The following MTMR8 variants were observed in gnomAD, a reference collection of about 807,000 sequenced individuals.
The protein encoded by MTMR8 is myotubularin related protein 8, also known as phosphatidylinositol-3,5-bisphosphate 3-phosphatase MTMR8.
Under a neutral mutation model 39.3 loss-of-function variants are expected in MTMR8, and 65 were observed. The ratio of observed to expected loss-of-function variants is 1.65; its 90% CI spans 1.35 to 2.03. The LOEUF (loss-of-function observed/expected upper bound fraction) is 2.03. MTMR8 is among the 30% of genes most tolerant of loss of function. The probability of loss-of-function intolerance (pLI) is 0.00; values close to 1 mark genes in which losing one functional copy is unlikely to be tolerated. For synonymous variants in MTMR8, 245 were observed against 185.2 expected (o/e 1.32, Z -2.62); for missense variants, 777 against 538.9 (o/e 1.44, Z -4.37).
At chrX:64,337,430 C>T (rs754180284) in intron 8 of MTMR8, 37 bp from the exon 9 acceptor site, 7 of 1,191,593 alleles carry the variant, frequency 5.9e-6, no homozygotes, top group Non-Finnish European at 7.9e-6. Context: ...CCACAAGCAA[C>T]CTTTGCACAG....
At position 64,356,223 on chromosome X, in the gene MTMR8, AG is replaced by A. The variant is rs748354367; in HGVS notation, c.262del (p.Val89CysfsTer34). On this transcript the variant is annotated frameshift_variant, in exon 3 of 14. Transcript: ENST00000374852. LOFTEE classifies it high-confidence loss of function. ...TGAAATATAAACCTCATGGCACACA[AG>A]GTCAGAATCTAAAACAAAGTGGGCC... The part of the protein sequence containing the change: ...RVAHFVLDSD[L>X]VCHEVYISLL... 1 of 1,207,040 alleles carries A rather than the reference AG, an allele frequency of 8.3e-7. No individual in the cohort carries two copies. The highest frequency in any genetic ancestry group is 1.8e-5 in the African/African-American group (1 of 57,036).
At chrX:64,385,466 C>T (rs762430889) in intron 1 of MTMR8, among the ~76,000 whole-genome samples, 2 of 111,811 alleles carry the variant, frequency 1.8e-5, no homozygotes, top group South Asian at 7.6e-4. Context: ...TATCAATTTT[C>T]TGTATTAGGC....
At chrX:64,272,609 TA>T (rs769426737) in intron 12 of MTMR8, among the ~76,000 whole-genome samples, 1 of 111,353 alleles carries the variant, frequency 9.0e-6, no homozygotes, top group African/African-American at 3.3e-5. Context: ...AAATCTTATT[TA>T]AAGAAGTAAT....
chrX:64,394,829 C>A (rs965170920), intron 1 of MTMR8, among the ~76,000 whole-genome samples: 1 of 112,274 alleles, frequency 8.9e-6, no homozygotes, highest in African/African-American at 3.2e-5. Flanking sequence ...CCCCCACAAA[C>A]CCTCACAGGC....
At chrX:64,372,432 C>T (rs771518785) in intron 1 of MTMR8, among the ~76,000 whole-genome samples, 17 of 111,249 alleles carry the variant, frequency 1.5e-4, no homozygotes, top group Non-Finnish European at 2.8e-4. Context: ...AATCATGATA[C>T]ATACATACAT....
At chrX:64,379,715 C>CA (rs376306119) in intron 1 of MTMR8, among the ~76,000 whole-genome samples, 4 of 111,348 alleles carry the variant, frequency 3.6e-5, no homozygotes, top group African/African-American at 1.3e-4. Context: ...GTCCCCATCT[C>CA]AAAAAAAGTC....
At chrX:64,347,904 T>C (rs1421548185) in intron 6 of MTMR8, among the ~76,000 whole-genome samples, 1 of 111,975 alleles carries the variant, frequency 8.9e-6, no homozygotes, top group African/African-American at 3.2e-5. Flanking sequence ...GACACTCTGT[T>C]CAGCAATGTT....
At chrX:64,334,506 T>G (rs1011545051) in intron 10 of MTMR8, among the ~76,000 whole-genome samples, 3 of 105,182 alleles carry the variant, frequency 2.9e-5, no homozygotes, top group African/African-American at 1.0e-4. Flanking sequence ...ATCATGTCAC[T>G]GCCTTGTTCA....
At chrX:64,272,040 T>A (rs182793479) in intron 12 of MTMR8, among the ~76,000 whole-genome samples, 2 of 111,388 alleles carry the variant, frequency 1.8e-5, no homozygotes, top group Admixed American at 9.5e-5. Context: ...AAGACAGCAG[T>A]TTAAACTAGG....
At chrX:64,387,118 AG>A (rs202026216) in intron 1 of MTMR8, among the ~76,000 whole-genome samples, 69 of 111,639 alleles carry the variant, frequency 6.2e-4, no homozygotes, top group African/African-American at 2.2e-3. Flanking sequence ...TTAGATTAAA[AG>A]AAAAACATCA....
At chrX:64,388,963 C>A (rs2147249686) in intron 1 of MTMR8, among the ~76,000 whole-genome samples, 1 of 111,984 alleles carries the variant, frequency 8.9e-6, no homozygotes, top group East Asian at 2.8e-4. Context: ...ATCCACTCAG[C>A]TCATTTTATT....
chrX:64,284,964 A>T (rs940308186), intron 12 of MTMR8, among the ~76,000 whole-genome samples: 11 of 112,129 alleles, frequency 9.8e-5, no homozygotes, highest in African/African-American at 3.6e-4. Context: ...GATCAAATTC[A>T]CACATAGCAA....
intron 12 of MTMR8, among the ~76,000 whole-genome samples, chrX:64,304,894 A>ATT (rs1922036808): frequency 1.2e-5 from 1 of 80,455 alleles, no homozygotes; most frequent in Non-Finnish European, 2.4e-5. Context: ...ATATATATAT[A>ATT]TATATATATA....
chrX:64,379,866 T>A (rs1244191648), intron 1 of MTMR8, among the ~76,000 whole-genome samples: 3 of 111,434 alleles, frequency 2.7e-5, no homozygotes, highest in Non-Finnish European at 5.6e-5. Flanking sequence ...GTATGTAATG[T>A]TGGTTCATCA....
chrX:64,335,347 G>T (rs895930812), intron 10 of MTMR8, among the ~76,000 whole-genome samples: 1 of 111,430 alleles, frequency 9.0e-6, no homozygotes, highest in Admixed American at 9.5e-5. Flanking sequence ...GGCCAGGCTG[G>T]TCTCGAACTC....
intron 8 of MTMR8, among the ~76,000 whole-genome samples, chrX:64,338,801 CAGA>C (rs1287619157): frequency 2.2e-4 from 25 of 111,694 alleles, no homozygotes; most frequent in South Asian, 1.5e-3. Context: ...AGCTGAAAAA[CAGA>C]AGAAGGATTT....
At chrX:64,311,537 G>A (rs911152443) in intron 12 of MTMR8, among the ~76,000 whole-genome samples, 34 of 111,535 alleles carry the variant, frequency 3.0e-4, no homozygotes, top group African/African-American at 1.1e-3. Flanking sequence ...TGTTGCCATT[G>A]CTTTTGGTGT....
At chrX:64,308,307 A>G (rs1242970677) in intron 12 of MTMR8, among the ~76,000 whole-genome samples, 1 of 104,817 alleles carries the variant, frequency 9.5e-6, no homozygotes, top group Non-Finnish European at 1.9e-5. Context: ...GGTGCCTGCC[A>G]TCACGGCTGG....
chrX:64,310,932 G>A, intron 12 of MTMR8, among the ~76,000 whole-genome samples: 1 of 111,652 alleles, frequency 9.0e-6, no homozygotes, highest in Middle Eastern at 4.6e-3. Context: ...CCAAGTCTTT[G>A]CTATTGTGAA....
Sources: gnomAD v4.1 joint callset for allele counts (sites outside exome capture counted in the v4.1 genomes callset) on GRCh38, gnomAD v4.1.1 for gene constraint, MANE v1.5 for transcripts, NCBI Gene and HGNC (gene_info 2026-07-23, HGNC 2026-07-21) for gene names.